The following ADGRL2 variants were observed in gnomAD, a reference collection of about 807,000 sequenced individuals.
ADGRL2 encodes the protein adhesion G protein-coupled receptor L2.
Under a neutral mutation model 157.4 loss-of-function variants are expected in ADGRL2, and 44 were observed. The observed-to-expected ratio is 0.28, with a 90% CI of 0.22 to 0.36. ADGRL2 has a LOEUF of 0.36. Ranked by LOEUF, ADGRL2 falls within the 10% of genes least tolerant of loss-of-function variation. ADGRL2 has a pLI of 1.00. For missense variants in ADGRL2, 1,510 were observed against 1,768.9 expected, an observed-to-expected ratio of 0.85 and a Z score of 2.63; for synonymous variants, 585 against 624.7, an observed-to-expected ratio of 0.94 and a Z score of 0.95.
chr1:81,564,794 T>C (rs2080522054), intron 2 of ADGRL2, among the ~76,000 whole-genome samples: 1 of 152,136 alleles, frequency 6.6e-6, no homozygotes, highest in Non-Finnish European at 1.5e-5. Flanking sequence ...GTCAAGAAAG[T>C]GTTCTCAGAG....
chr1:81,518,766 C>T (rs541413990), intron 2 of ADGRL2, among the ~76,000 whole-genome samples: 7 of 150,396 alleles, frequency 4.7e-5, no homozygotes, highest in African/African-American at 1.7e-4. Context: ...CGACTGCACT[C>T]CAGCCTAAGT....
At chr1:81,559,992 T>C (rs921566768) in intron 2 of ADGRL2, among the ~76,000 whole-genome samples, 1 of 152,148 alleles carries the variant, frequency 6.6e-6, no homozygotes, top group Non-Finnish European at 1.5e-5. Flanking sequence ...TCTTAAAAGA[T>C]CAAAATATTA....
At position 81,992,241 on chromosome 1, in the gene ADGRL2, C is replaced by T. The variant is rs1207192741; in HGVS notation, c.*1096C>T. ...TAAATATTACTCTTCCATATTCCTT[C>T]TGCCTATATTTAGTAATTAATTTAT... On this transcript the variant is annotated 3_prime_UTR_variant, in exon 24 of 24. Coordinates refer to ENST00000686636, the MANE Select transcript of ADGRL2 (RefSeq NM_001366006.2). The T allele has an allele frequency of 6.6e-6, 1 of 152,492 alleles. No homozygotes were observed. The highest frequency in any genetic ancestry group is 1.5e-5 in the Non-Finnish European group (1 of 68,032). 9.4% of individuals were successfully genotyped at this position (152,492 alleles called of 1,614,324 possible).
At chr1:81,803,844 A>T (rs1448322781) in intron 1 of ADGRL2, among the ~76,000 whole-genome samples, 1 of 152,148 alleles carries the variant, frequency 6.6e-6, no homozygotes, top group Non-Finnish European at 1.5e-5. Context: ...TAACGGACGT[A>T]GTTGATTCAT....
At chr1:81,780,898 G>GGGT (rs2086786100) in intron 2 of ADGRL2, among the ~76,000 whole-genome samples, 1 of 152,144 alleles carries the variant, frequency 6.6e-6, no homozygotes, top group African/African-American at 2.4e-5. Flanking sequence ...CCTAAGACCA[G>GGGT]GGTGGTAATC....
chr1:81,526,435 T>C lies in ADGRL2; in HGVS notation c.-247-54441T>C, dbSNP rs56228977. Among the ~76,000 whole-genome samples, 592 of 152,294 alleles carry C rather than the reference T, an allele frequency of 3.9e-3. 3 individuals carry two copies. Among genetic ancestry groups the C allele is most frequent in the African/African-American group, 0.013 (560 of 41,552 alleles). ...CATGTCAATATTATAGCTTGATAGG[T>C]AGCAAACTACTTAAAAAGATATGTA... On this transcript the variant is annotated intron_variant, in intron 2 of 24. Transcript: ENST00000370721.
At chr1:81,339,543 A>G (rs1248914793) in intron 1 of ADGRL2, among the ~76,000 whole-genome samples, 1 of 152,068 alleles carries the variant, frequency 6.6e-6, no homozygotes, top group East Asian at 1.9e-4. Context: ...ACTTCTGTTA[A>G]TCTTTCTTAT....
chr1:81,827,455 A>G (rs1454764770), intron 1 of ADGRL2, among the ~76,000 whole-genome samples: 1 of 152,194 alleles, frequency 6.6e-6, no homozygotes, highest in Non-Finnish European at 1.5e-5. Context: ...CTCTCATGCC[A>G]AACAAAGTAG....
intron 2 of ADGRL2, among the ~76,000 whole-genome samples, chr1:81,866,329 C>T (rs2093542453): frequency 6.6e-6 from 1 of 152,126 alleles, no homozygotes; most frequent in African/African-American, 2.4e-5. Context: ...TTCTCCTTAA[C>T]AGTCTTAGTA....
intron 2 of ADGRL2, among the ~76,000 whole-genome samples, chr1:81,474,864 G>T (rs1247450486): frequency 6.6e-6 from 1 of 152,066 alleles, no homozygotes; most frequent in Non-Finnish European, 1.5e-5. Context: ...TGAGTATGAT[G>T]AATACTTTTC....
At chr1:81,594,529 G>T (rs1182789357) in intron 3 of ADGRL2, among the ~76,000 whole-genome samples, 1 of 152,078 alleles carries the variant, frequency 6.6e-6, no homozygotes, top group Non-Finnish European at 1.5e-5. Flanking sequence ...ATTTATTTTA[G>T]ATTATATTAC....
intron 1 of ADGRL2, among the ~76,000 whole-genome samples, chr1:81,417,741 G>A (rs1439301817): frequency 6.6e-6 from 1 of 152,114 alleles, no homozygotes; most frequent in South Asian, 2.1e-4. Context: ...AGGTTGGTAG[G>A]TCATTTCTTT....
intron 3 of ADGRL2, among the ~76,000 whole-genome samples, chr1:81,911,103 G>T (rs1046063615): frequency 5.9e-5 from 9 of 151,992 alleles, no homozygotes; most frequent in African/African-American, 2.2e-4. Context: ...TGTGGACATG[G>T]TAAAAATATT....
intron 2 of ADGRL2, among the ~76,000 whole-genome samples, chr1:81,902,875 C>T (rs2094512972): frequency 6.6e-6 from 1 of 152,134 alleles, no homozygotes; most frequent in Non-Finnish European, 1.5e-5. Context: ...GTCACATGGA[C>T]TTTTGAAAAT....
intron 1 of ADGRL2, among the ~76,000 whole-genome samples, chr1:81,715,181 T>A (rs1570934285): frequency 3.6e-4 from 1 of 2,750 alleles, no homozygotes; most frequent in East Asian, 0.033. Context: ...TTTAGTAAAT[T>A]TTTTTTTTTT....
chr1:81,916,771 A>G (rs957986863), intron 3 of ADGRL2, among the ~76,000 whole-genome samples: 2 of 151,992 alleles, frequency 1.3e-5, no homozygotes, highest in African/African-American at 4.8e-5. Flanking sequence ...CAAAATTGAG[A>G]CTTTTCCATT....
intron 2 of ADGRL2, among the ~76,000 whole-genome samples, chr1:81,462,311 C>A (rs767148865): frequency 6.6e-6 from 1 of 152,114 alleles, no homozygotes; most frequent in African/African-American, 2.4e-5. Flanking sequence ...GCTCTGCTGC[C>A]CTTCTATGTT....
intron 1 of ADGRL2, among the ~76,000 whole-genome samples, chr1:81,710,074 A>G (rs2083872774): frequency 1.3e-5 from 2 of 152,310 alleles, no homozygotes; most frequent in South Asian, 4.1e-4. Flanking sequence ...AGCTAGGGGG[A>G]AATATTAAAT....
intron 2 of ADGRL2, among the ~76,000 whole-genome samples, chr1:81,903,831 A>G (rs1416188685): frequency 6.7e-6 from 1 of 149,282 alleles, no homozygotes; most frequent in African/African-American, 2.5e-5. Flanking sequence ...ACACACACAC[A>G]CACACACACA....
Sources: gnomAD v4.1 joint callset for allele counts (sites outside exome capture counted in the v4.1 genomes callset) on GRCh38, gnomAD v4.1.1 for gene constraint, MANE v1.5 for transcripts, NCBI Gene and HGNC (gene_info 2026-07-23, HGNC 2026-07-21) for gene names.